The following SRCIN1 variants were observed in gnomAD, a reference collection of about 807,000 sequenced individuals.
The protein encoded by SRCIN1 is SRC kinase signaling inhibitor 1, also known as P130Cas-associated protein.
A neutral mutation model predicts 116.2 loss-of-function variants in SRCIN1; 50 were observed. That is an observed-to-expected ratio of 0.43 (90% CI 0.34 to 0.54). SRCIN1 has a LOEUF of 0.54. Among genes scored for constraint, SRCIN1 ranks in the 20% least tolerant of loss-of-function variants. The probability of loss-of-function intolerance (pLI) is 0.02; values close to 1 mark genes in which losing one functional copy is unlikely to be tolerated. For missense variants in SRCIN1, 1,446 were observed against 1,672.0 expected (o/e 0.86, Z 2.36); for synonymous variants, 736 against 750.0 (o/e 0.98, Z 0.30).
intron 2 of SRCIN1, chr17:38,574,921 G>T: frequency 7.5e-6 from 3 of 401,214 alleles, no homozygotes; most frequent in Non-Finnish European, 8.8e-6. Context: ...CGCCATGGAG[G>T]TGGGAGCAGA....
At position 38,548,930 on chromosome 17, in the gene SRCIN1, C is replaced by T. The variant is rs886759113; in HGVS notation, c.3117+126G>A. On this transcript the variant is annotated intron_variant, in intron 16 of 18. Coordinates refer to ENST00000617146, the MANE Select transcript of SRCIN1 (RefSeq NM_025248.3). ...AGCAGGACAAAGTCGCCACCGGCCA[C>T]TCCCTCTTTCCTTCCATGTTCTCTG... 5 of 1,292,364 alleles carry T rather than the reference C, an allele frequency of 3.9e-6. No individual in the cohort carries two copies. In the African/African-American group the frequency reaches 7.5e-5, roughly 19 times the overall value. The allele number at this position is 1,292,364 out of a possible 1,614,324, so 80.1% of individuals were successfully genotyped here.
chr17:38,555,266 A>C (rs1905708705), intron 11 of SRCIN1, among the ~76,000 whole-genome samples: 1 of 152,208 alleles, frequency 6.6e-6, no homozygotes, highest in South Asian at 2.1e-4. Flanking sequence ...ATGGAAGATG[A>C]GTGGAAGGGA....
At chr17:38,582,301 G>A (rs1230513703) in intron 1 of SRCIN1, among the ~76,000 whole-genome samples, 2 of 152,204 alleles carry the variant, frequency 1.3e-5, no homozygotes, top group African/African-American at 4.8e-5. Context: ...GTACCAGCCT[G>A]AGATGAGTGG....
At chr17:38,578,264 G>T (rs1006518951) in intron 2 of SRCIN1, among the ~76,000 whole-genome samples, 3 of 152,218 alleles carry the variant, frequency 2.0e-5, no homozygotes, top group Non-Finnish European at 4.4e-5. Context: ...GCAGGCAGAG[G>T]TCTGGGGGCC....
At chr17:38,592,257 G>A (rs906406101) in intron 1 of SRCIN1, among the ~76,000 whole-genome samples, 4 of 152,152 alleles carry the variant, frequency 2.6e-5, no homozygotes, top group South Asian at 2.1e-4. Context: ...TCACCACGCC[G>A]CCATCCCCAG....
chr17:38,547,577 G>A (rs1905142898), intron 17 of SRCIN1, among the ~76,000 whole-genome samples: 1 of 152,178 alleles, frequency 6.6e-6, no homozygotes, highest in Non-Finnish European at 1.5e-5. Flanking sequence ...GAAGGGTTAT[G>A]CGCCTGTCCT....
chr17:38,548,541 G>A lies in SRCIN1; in HGVS notation c.3270+16C>T, dbSNP rs754014953. On this transcript the variant is annotated intron_variant, in intron 17 of 18. Coordinates refer to ENST00000617146, the MANE Select transcript of SRCIN1 (RefSeq NM_025248.3). The stretch of plus-strand genomic sequence containing the variant: ...GCCTGGCTGAGACCTTGGGGGCCAG[G>A]TGTGCCCTGACCTACCTCTAGCTCT... The A allele has an allele frequency of 6.2e-6, 10 of 1,608,462 alleles. No homozygotes were observed. Among genetic ancestry groups the A allele is most frequent in the South Asian group, 4.4e-5 (4 of 91,076 alleles).
In SRCIN1 at chr17:38,561,658, C is replaced by CCGCGGCTG. The variant is rs775896460; in HGVS notation, c.1497_1504dup (p.Gly502AlafsTer188). 6.4e-7 allele frequency: 1 copy of CCGCGGCTG among 1,559,240 alleles called. No homozygotes were observed. Among genetic ancestry groups the CCGCGGCTG allele is most frequent in the Non-Finnish European group, 8.7e-7 (1 of 1,153,276 alleles). ...GCGGAAGGACTGGCGCACTGGCGAG[C>CCGCGGCTG]CGCGGCTGGGCGGCCCCGAGTAGGG... On this transcript the variant is annotated frameshift_variant, in exon 7 of 19. Transcript: ENST00000617146. LOFTEE classifies it high-confidence loss of function.
chr17:38,603,596 G>A (rs765626780), intron 1 of SRCIN1, among the ~76,000 whole-genome samples: 1 of 152,112 alleles, frequency 6.6e-6, no homozygotes, highest in East Asian at 1.9e-4. Context: ...TCGTGGAAAG[G>A]GCAGAAGAAG....
At position 38,533,234 on chromosome 17, in the gene SRCIN1, A is replaced by C; in HGVS notation, c.*63T>G. 1 of 1,471,656 alleles carries C rather than the reference A, an allele frequency of 6.8e-7. No homozygotes were observed. The highest frequency in any genetic ancestry group is 9.0e-7 in the Non-Finnish European group (1 of 1,105,748). The allele number at this position is 1,471,656 out of a possible 1,614,324, so 91.2% of individuals were successfully genotyped here. ...GGTGGGGTGGGGTGGAGATGAAGGA[A>C]GAGAGGGGAGAAATGGCAGGAGTGA... is the stretch of plus-strand genomic sequence containing the variant. On this transcript the variant is annotated 3_prime_UTR_variant, in exon 19 of 19. Transcript: ENST00000617146.
In SRCIN1 at chr17:38,562,279, T is replaced by C; in HGVS notation, c.884A>G (p.Asn295Ser). The change falls in exon 7 of 19, where the codon AAC becomes AGC. Residue 295 changes from asparagine to serine, a missense_variant. Asn to Ser is a conservative substitution (Grantham distance 46). This residue lies in a region of SRCIN1 where 239 missense variants were observed against 317.7 expected (regional missense o/e 0.75). Coordinates refer to ENST00000617146, the MANE Select transcript of SRCIN1 (RefSeq NM_025248.3). This position sits in a 1 kb window ranked among gnomAD's most constrained non-coding sequence, Gnocchi z 4.2. Reference protein sequence around the residue: ...SRESSPTRRLNNLSPAPHLAS... With the variant: ...SRESSPTRRLSNLSPAPHLAS... ...CAGGTGCGGCGCTGGTGACAGGTTGTTGAGGCGCCGCGTGGGCGAGGACTC... is the reference window on the plus strand; with the variant it reads ...CAGGTGCGGCGCTGGTGACAGGTTGCTGAGGCGCCGCGTGGGCGAGGACTC... 1 of 1,478,668 alleles carries C rather than the reference T, an allele frequency of 6.8e-7. No homozygotes were observed. The highest frequency in any genetic ancestry group is 8.9e-7 in the Non-Finnish European group (1 of 1,123,836). The allele number at this position is 1,478,668 out of a possible 1,614,324, so 91.6% of individuals were successfully genotyped here.
At chr17:38,543,155 T>C (rs1254574881) in intron 18 of SRCIN1, 3 of 456,576 alleles carry the variant, frequency 6.6e-6, no homozygotes, top group Non-Finnish European at 1.3e-5. Flanking sequence ...GATTGCGGCA[T>C]CCCTGCAATT....
chr17:38,555,141 G>C (rs1321898499), intron 11 of SRCIN1, among the ~76,000 whole-genome samples: 1 of 152,204 alleles, frequency 6.6e-6, no homozygotes. Context: ...AATCCTGGAG[G>C]TGGGAACAGT....
At chr17:38,555,736 A>G (rs1165766645) in intron 11 of SRCIN1, among the ~76,000 whole-genome samples, 3 of 152,190 alleles carry the variant, frequency 2.0e-5, no homozygotes, top group Non-Finnish European at 4.4e-5. Flanking sequence ...AACATCAGCC[A>G]CGCTGCCCCC....
chr17:38,570,316 T>C (rs1319022879), intron 2 of SRCIN1, among the ~76,000 whole-genome samples: 3 of 152,080 alleles, frequency 2.0e-5, no homozygotes, highest in Admixed American at 6.5e-5. Flanking sequence ...ACAAGCACCA[T>C]AGCCAGTCAC....
Position 38,568,330 on chromosome 17 carries a change from C to G in SRCIN1, c.325-99G>C. On this transcript the variant is annotated intron_variant, in intron 2 of 18. Transcript: ENST00000617146. This position sits in a 1 kb window ranked among gnomAD's most constrained non-coding sequence, Gnocchi z 4.5. ...GAGACCCTTGGAACTCAGCACTCAG[C>G]CCTAGGACAAGGGCCCTCCACCCTC... 7.9e-7 allele frequency: 1 copy of G among 1,258,638 alleles called. No homozygotes were observed. Among genetic ancestry groups the G allele is most frequent in the South Asian group, 1.3e-5 (1 of 78,728 alleles). The allele number at this position is 1,258,638 out of a possible 1,614,324, so 78.0% of individuals were successfully genotyped here. A position where few individuals can be genotyped will look rare whatever the true frequency, so the allele number is the denominator to read the frequency against.
chr17:38,534,745 T>C (rs1476232965), intron 18 of SRCIN1, among the ~76,000 whole-genome samples: 6 of 152,204 alleles, frequency 3.9e-5, no homozygotes, highest in Non-Finnish European at 7.3e-5. Flanking sequence ...CCATTTCTCC[T>C]TTACAGGTGC....
At chr17:38,600,303 G>C (rs1384334988) in intron 1 of SRCIN1, among the ~76,000 whole-genome samples, 2 of 152,238 alleles carry the variant, frequency 1.3e-5, no homozygotes, top group Non-Finnish European at 2.9e-5. Context: ...AGCGACCAAG[G>C]CATGCGAAGA....
intron 1 of SRCIN1, among the ~76,000 whole-genome samples, chr17:38,583,806 G>A (rs1320727334): frequency 6.6e-6 from 1 of 152,180 alleles, no homozygotes; most frequent in Non-Finnish European, 1.5e-5. Flanking sequence ...GCCCGCCTCG[G>A]CCTCCCAAAG....
Sources: allele counts gnomAD v4.1 joint callset (sites outside exome capture counted in the v4.1 genomes callset), GRCh38; gene constraint gnomAD v4.1.1; regional missense constraint gnomAD v4.1.1; non-coding constraint Gnocchi (gnomAD v3.1); transcripts MANE v1.5; gene names NCBI Gene and HGNC (gene_info 2026-07-23, HGNC 2026-07-21).